The following SH3BGRL variants were observed in gnomAD, a reference collection of about 807,000 sequenced individuals.
SH3BGRL encodes SH3 domain binding glutamate rich protein like.
A neutral mutation model predicts 9.8 loss-of-function variants in SH3BGRL; 7 were observed. The ratio of observed to expected loss-of-function variants is 0.72; its 90% confidence interval spans 0.41 to 1.35. The LOEUF (loss-of-function observed/expected upper bound fraction) is 1.35, where lower values mean the gene tolerates loss of function less well. Among genes scored for constraint, SH3BGRL ranks in the 40% most tolerant of loss-of-function variants. The pLI is 0.01. For missense variants in SH3BGRL, 73 were observed against 84.4 expected, an observed-to-expected ratio of 0.86 and a Z score of 0.53; for synonymous variants, 36 against 29.1, an observed-to-expected ratio of 1.24 and a Z score of -0.76.
chrX:81,257,202 A>C (rs766350368), intron 1 of SH3BGRL, among the ~76,000 whole-genome samples: 1 of 111,635 alleles, frequency 9.0e-6, no homozygotes, highest in Admixed American at 9.5e-5. Context: ...TGTTATATAT[A>C]ATTTTCTGTG....
intron 1 of SH3BGRL, among the ~76,000 whole-genome samples, chrX:81,204,917 A>T (rs1212706242): frequency 8.9e-6 from 1 of 112,734 alleles, no homozygotes; most frequent in Non-Finnish European, 1.9e-5. Flanking sequence ...TGGTCTTTGC[A>T]ATGGATTTCA....
intron 3 of SH3BGRL, among the ~76,000 whole-genome samples, chrX:81,291,069 G>T (rs910619720): frequency 4.5e-5 from 5 of 111,700 alleles, no homozygotes; most frequent in Admixed American, 1.9e-4. Context: ...TCTATAAAAT[G>T]AAGCAAGATG....
At chrX:81,219,153 A>T (rs1569357875) in intron 1 of SH3BGRL, among the ~76,000 whole-genome samples, 1 of 110,523 alleles carries the variant, frequency 9.0e-6, no homozygotes. Context: ...TCACCTAGGC[A>T]CATGGTCATC....
At chrX:81,210,082 T>C (rs1427847756) in intron 1 of SH3BGRL, among the ~76,000 whole-genome samples, 2 of 111,483 alleles carry the variant, frequency 1.8e-5, no homozygotes, top group Middle Eastern at 4.6e-3. Flanking sequence ...GCTTAGTCCT[T>C]TTTGGAAATG....
intron 3 of SH3BGRL, among the ~76,000 whole-genome samples, chrX:81,278,903 C>G (rs1012512337): frequency 4.5e-5 from 5 of 112,078 alleles, no homozygotes; most frequent in African/African-American, 1.6e-4. Flanking sequence ...CCTGCCAACA[C>G]AAATTAATTT....
At chrX:81,212,725 A>T (rs2075569151) in intron 1 of SH3BGRL, among the ~76,000 whole-genome samples, 2 of 111,445 alleles carry the variant, frequency 1.8e-5, no homozygotes, top group South Asian at 7.5e-4. Context: ...CGAGAAGTAA[A>T]GTACACATCC....
intron 1 of SH3BGRL, among the ~76,000 whole-genome samples, chrX:81,249,628 T>A (rs1002539522): frequency 4.5e-5 from 5 of 112,349 alleles, no homozygotes; most frequent in African/African-American, 1.6e-4. Flanking sequence ...TTTTATGTAG[T>A]ATTTTTGTCT....
At chrX:81,249,897 T>C (rs2075703545) in intron 1 of SH3BGRL, among the ~76,000 whole-genome samples, 1 of 111,397 alleles carries the variant, frequency 9.0e-6, no homozygotes, top group African/African-American at 3.3e-5. Flanking sequence ...TAAACTGTTC[T>C]GTATGGTAGT....
chrX:81,202,368 G>A (rs1030077359), intron 1 of SH3BGRL, 123 bp downstream of exon 1: 3 of 971,502 alleles, frequency 3.1e-6, no homozygotes, highest in Non-Finnish European at 3.9e-6. Context: ...ATGCATCCCC[G>A]ATCCCACCCT....
intron 1 of SH3BGRL, among the ~76,000 whole-genome samples, chrX:81,230,428 G>A (rs931072376): frequency 1.8e-5 from 2 of 112,176 alleles, no homozygotes; most frequent in Non-Finnish European, 3.8e-5. Flanking sequence ...ACTTACTTTA[G>A]ATAATGTGAT....
chrX:81,223,033 C>A (rs2075605102), intron 1 of SH3BGRL, among the ~76,000 whole-genome samples: 1 of 111,010 alleles, frequency 9.0e-6, no homozygotes, highest in Non-Finnish European at 1.9e-5. Context: ...TGTTTTTTTT[C>A]TTGTAAATTT....
chrX:81,289,241 T>C (rs895689383), intron 3 of SH3BGRL, among the ~76,000 whole-genome samples: 1 of 111,915 alleles, frequency 8.9e-6, no homozygotes, highest in Non-Finnish European at 1.9e-5. Flanking sequence ...GAATGAAACT[T>C]GACCCCTATC....
At chrX:81,284,941 G>T (rs1187673752) in intron 3 of SH3BGRL, among the ~76,000 whole-genome samples, 2 of 111,274 alleles carry the variant, frequency 1.8e-5, no homozygotes. Flanking sequence ...AGTAGGAATA[G>T]AGTAAATGAA....
chrX:81,267,263 A>G (rs1172624249), intron 1 of SH3BGRL, among the ~76,000 whole-genome samples: 3 of 111,870 alleles, frequency 2.7e-5, no homozygotes, highest in East Asian at 5.6e-4. Context: ...AGTGGTGAGA[A>G]AAGGCATCCC....
intron 1 of SH3BGRL, among the ~76,000 whole-genome samples, chrX:81,205,504 GTATATATATATATATATA>G (rs34834268): frequency 1.2e-5 from 1 of 85,154 alleles, no homozygotes; most frequent in Non-Finnish European, 2.3e-5. Context: ...GTGTGTGTGT[GTATATATATATATATATA>G]TATATATATC....
chrX:81,231,265 A>T (rs1238402081), intron 1 of SH3BGRL, among the ~76,000 whole-genome samples: 1 of 112,688 alleles, frequency 8.9e-6, no homozygotes, highest in Non-Finnish European at 1.9e-5. Context: ...GGACTTACAG[A>T]TGAAGTTCTA....
At chrX:81,249,796 G>A (rs2075703166) in intron 1 of SH3BGRL, among the ~76,000 whole-genome samples, 1 of 111,537 alleles carries the variant, frequency 9.0e-6, no homozygotes, top group Non-Finnish European at 1.9e-5. Flanking sequence ...AACTATGCAA[G>A]TAGTTAGGAA....
chrX:81,217,558 T>A (rs1485884962), intron 1 of SH3BGRL, among the ~76,000 whole-genome samples: 1 of 111,671 alleles, frequency 9.0e-6, no homozygotes, highest in Non-Finnish European at 1.9e-5. Flanking sequence ...ATTTGTATAG[T>A]TTTGAGGGTT....
chrX:81,292,933 CA>C (rs760591780), intron 3 of SH3BGRL, among the ~76,000 whole-genome samples: 27 of 107,483 alleles, frequency 2.5e-4, no homozygotes, highest in South Asian at 7.9e-4. Flanking sequence ...AAAAATATTG[CA>C]AAAAAAAAAT....
Sources: gnomAD v4.1 joint callset for allele counts (sites outside exome capture counted in the v4.1 genomes callset) on GRCh38, gnomAD v4.1.1 for gene constraint, MANE v1.5 for transcripts, NCBI Gene and HGNC (gene_info 2026-07-23, HGNC 2026-07-21) for gene names.